CASD1: variants seen among roughly 807,000 people sequenced by gnomAD.
CASD1 encodes CAS1 domain sialic acid O acetyltransferase 1.
Under a neutral mutation model 100.0 loss-of-function variants are expected in CASD1, and 41 were observed. The observed-to-expected ratio is 0.41, with a 90% CI of 0.32 to 0.53. CASD1 has a LOEUF of 0.53. Among genes scored for constraint, CASD1 ranks in the 20% least tolerant of loss-of-function variants. The pLI is 0.25. For missense variants in CASD1, 774 were observed against 948.7 expected (o/e 0.82, Z 2.42); for synonymous variants, 321 against 315.6 (o/e 1.02, Z -0.18).
intron 8 of CASD1, among the ~76,000 whole-genome samples, chr7:94,537,199 G>C (rs532424218): frequency 1.3e-5 from 2 of 152,048 alleles, no homozygotes; most frequent in South Asian, 4.2e-4. Context: ...ATTCCAAGTC[G>C]TAAGGATAGG....
the CASD1 span, among the ~76,000 whole-genome samples, chr7:94,596,378 C>G: frequency 6.6e-6 from 1 of 152,120 alleles, no homozygotes; most frequent in Non-Finnish European, 1.5e-5. Context: ...TTAAATTTCA[C>G]TAGCAATAGA....
the CASD1 span, among the ~76,000 whole-genome samples, chr7:94,613,080 C>A: frequency 2.1e-4 from 32 of 152,124 alleles, no homozygotes; most frequent in African/African-American, 7.7e-4. Flanking sequence ...AGCCTACTGG[C>A]TAAATGAATG....
At chr7:94,515,611 T>C (rs1793940222) in intron 1 of CASD1, among the ~76,000 whole-genome samples, 1 of 152,112 alleles carries the variant, frequency 6.6e-6, no homozygotes, top group South Asian at 2.1e-4. Context: ...TATAAAAACA[T>C]ACCGGTAACC....
At chr7:94,559,257 CCAAATT>C (rs1362424266), downstream of CASD1, among the ~76,000 whole-genome samples, 3 of 137,454 alleles carry the variant, frequency 2.2e-5, no homozygotes, top group East Asian at 6.5e-4. Context: ...ATTGGAATAC[CCAAATT>C]CTGTATATAT....
chr7:94,625,475 T>C, the CASD1 span: 1 of 152,166 alleles, frequency 6.6e-6, no homozygotes, highest in East Asian at 1.9e-4. Context: ...CCAGTACATG[T>C]GTTTCTCTCC....
chr7:94,609,590 A>G, the CASD1 span, among the ~76,000 whole-genome samples: 5 of 152,200 alleles, frequency 3.3e-5, no homozygotes, highest in Non-Finnish European at 5.9e-5. Flanking sequence ...TAGAAGTTAT[A>G]CTCGTGGTAA....
chr7:94,625,994 C>T, the CASD1 span: 1 of 152,018 alleles, frequency 6.6e-6, no homozygotes, highest in Non-Finnish European at 1.5e-5. Context: ...GTAGTGATGC[C>T]AACTCCCACA....
chr7:94,562,528 A>G, the CASD1 span, among the ~76,000 whole-genome samples: 1 of 152,190 alleles, frequency 6.6e-6, no homozygotes, highest in Non-Finnish European at 1.5e-5. Flanking sequence ...ATGTCCCTAT[A>G]ACAAATGTTC....
the CASD1 span, among the ~76,000 whole-genome samples, chr7:94,564,349 T>C: frequency 1.3e-5 from 2 of 152,214 alleles, no homozygotes; most frequent in African/African-American, 2.4e-5. Context: ...TAAAGTGATA[T>C]GATAGGGACC....
intron 10 of CASD1, among the ~76,000 whole-genome samples, chr7:94,539,370 T>C (rs929966964): frequency 6.6e-6 from 1 of 152,148 alleles, no homozygotes; most frequent in Admixed American, 6.5e-5. Context: ...TTTGAAGTTA[T>C]CAGGAAACTT....
the CASD1 span, among the ~76,000 whole-genome samples, chr7:94,578,593 C>G: frequency 1.3e-5 from 2 of 152,162 alleles, no homozygotes; most frequent in African/African-American, 2.4e-5. Flanking sequence ...TAAATTATAT[C>G]TCACAGGTCC....
At chr7:94,601,456 A>AC in the CASD1 span, among the ~76,000 whole-genome samples, 4 of 67,996 alleles carry the variant, frequency 5.9e-5, no homozygotes, top group Admixed American at 7.3e-4. Context: ...AAAAAAAAAA[A>AC]AAAAAAAAAA....
At chr7:94,632,280 T>C in the CASD1 span, among the ~76,000 whole-genome samples, 1 of 151,988 alleles carries the variant, frequency 6.6e-6, no homozygotes, top group East Asian at 1.9e-4. Context: ...AGTGGAACCA[T>C]TAAAGAAAGG....
intron 1 of CASD1, among the ~76,000 whole-genome samples, chr7:94,512,748 G>A (rs1460424783): frequency 6.6e-6 from 1 of 152,164 alleles, no homozygotes; most frequent in Non-Finnish European, 1.5e-5. Flanking sequence ...TTGATTGCAT[G>A]TCAAAGTTTA....
At chr7:94,617,239 T>G in the CASD1 span, 1 of 152,240 alleles carries the variant, frequency 6.6e-6, no homozygotes, top group African/African-American at 2.4e-5. Context: ...AAAGCAGTGC[T>G]TTAGGTCACA....
chr7:94,546,413 A>G (rs1292305810), intron 12 of CASD1, among the ~76,000 whole-genome samples: 1 of 151,930 alleles, frequency 6.6e-6, no homozygotes, highest in East Asian at 1.9e-4. Context: ...TTAAAAATGT[A>G]TTTAACTTGA....
the CASD1 span, chr7:94,587,953 A>T: frequency 7.0e-7 from 1 of 1,433,510 alleles, no homozygotes; most frequent in South Asian, 1.6e-5. Context: ...TCAGAATTCC[A>T]CACCCAACTT....
the CASD1 span, among the ~76,000 whole-genome samples, chr7:94,584,592 G>A: frequency 1.3e-5 from 2 of 152,132 alleles, no homozygotes; most frequent in Non-Finnish European, 2.9e-5. Context: ...TGACCTCTGG[G>A]CACCTAATAG....
the CASD1 span, among the ~76,000 whole-genome samples, chr7:94,606,339 G>A: frequency 6.6e-6 from 1 of 152,180 alleles, no homozygotes; most frequent in Non-Finnish European, 1.5e-5. Context: ...ATTAATTTCA[G>A]ACAGAGCCAA....
Sources: gnomAD v4.1 joint callset for allele counts (sites outside exome capture counted in the v4.1 genomes callset) on GRCh38, gnomAD v4.1.1 for gene constraint, MANE v1.5 for transcripts, NCBI Gene and HGNC (gene_info 2026-07-23, HGNC 2026-07-21) for gene names.